The following CPNE4 variants were observed in gnomAD, a reference collection of about 807,000 sequenced individuals.
CPNE4 encodes copine-4.
A neutral mutation model predicts 67.9 loss-of-function variants in CPNE4; 25 were observed. That is an observed-to-expected ratio of 0.37 (90% CI 0.27 to 0.51). CPNE4 has a LOEUF of 0.51. CPNE4 is among the 20% of genes least tolerant of loss of function. CPNE4 has a pLI of 0.93. For missense variants in CPNE4, 464 were observed against 690.8 expected (o/e 0.67, Z 3.68); for synonymous variants, 242 against 244.9 (o/e 0.99, Z 0.11).
intron 2 of CPNE4, among the ~76,000 whole-genome samples, chr3:131,747,532 G>T (rs577801484): frequency 7.3e-6 from 1 of 136,992 alleles, no homozygotes; most frequent in Non-Finnish European, 1.7e-5. Flanking sequence ...TTTAAAATTT[G>T]GTTTCCACTT....
At chr3:131,938,122 C>T (rs2071277583) in intron 1 of CPNE4, among the ~76,000 whole-genome samples, 1 of 152,000 alleles carries the variant, frequency 6.6e-6, no homozygotes, top group African/African-American at 2.4e-5. Flanking sequence ...CTTTGTGAGG[C>T]CAAGGTTGGG....
At chr3:131,796,347 A>G (rs1403813316) in intron 2 of CPNE4, among the ~76,000 whole-genome samples, 2 of 152,218 alleles carry the variant, frequency 1.3e-5, no homozygotes, top group East Asian at 3.9e-4. Flanking sequence ...TTGCTGTTGA[A>G]TTGAATCTCT....
chr3:131,974,203 T>C (rs1440048982), intron 1 of CPNE4, among the ~76,000 whole-genome samples: 1 of 152,226 alleles, frequency 6.6e-6, no homozygotes, highest in African/African-American at 2.4e-5. Flanking sequence ...AGTTTCTTTT[T>C]TCTCTCCCTG....
chr3:131,856,989 T>C (rs1461364861), intron 2 of CPNE4, among the ~76,000 whole-genome samples: 4 of 152,050 alleles, frequency 2.6e-5, no homozygotes, highest in African/African-American at 9.7e-5. Flanking sequence ...TTTTTATTAA[T>C]TATTTCTGTT....
chr3:132,022,632 G>A (rs917915720), intron 1 of CPNE4, among the ~76,000 whole-genome samples: 3 of 152,040 alleles, frequency 2.0e-5, no homozygotes, highest in Admixed American at 6.6e-5. Context: ...ATGCTTCACA[G>A]TGAATTTCAG....
intron 1 of CPNE4, among the ~76,000 whole-genome samples, chr3:131,999,932 A>T (rs1222118746): frequency 1.3e-5 from 2 of 151,954 alleles, no homozygotes; most frequent in African/African-American, 4.8e-5. Flanking sequence ...TCAATTGTTT[A>T]TATGGTTTCT....
At chr3:131,631,276 A>C (rs16837288) in intron 7 of CPNE4, among the ~76,000 whole-genome samples, 41,744 of 151,882 alleles carry the variant, frequency 0.27, 9,417 homozygotes, top group African/African-American at 0.62. Flanking sequence ...TTTTAAAGAG[A>C]AATTTTCTAT....
chr3:131,836,987 T>C lies in CPNE4; in HGVS notation c.180+68277A>G, dbSNP rs142665047. On this transcript the variant is annotated intron_variant, in intron 2 of 15. Coordinates refer to ENST00000429747, the MANE Select transcript of CPNE4 (RefSeq NM_130808.3). The stretch of plus-strand genomic sequence containing the variant: ...CATATGAAAAGATGTTCAATATCAC[T>C]AGATATTAGGAATATGCAAATTAAA... 4.0e-3 allele frequency among the ~76,000 whole-genome samples: 606 copies of C among 152,286 alleles called. 7 individuals are homozygous for C. Among genetic ancestry groups the C allele is most frequent in the African/African-American group, 0.014 (566 of 41,580 alleles).
At chr3:131,631,147 T>G (rs990179506) in intron 7 of CPNE4, among the ~76,000 whole-genome samples, 6 of 152,220 alleles carry the variant, frequency 3.9e-5, no homozygotes, top group Admixed American at 1.3e-4. Context: ...ATGGCTACCC[T>G]TGACCTTTTA....
Position 131,598,681 on chromosome 3 carries a change from A to G in CPNE4, c.682-11099T>C, listed in dbSNP as rs73874157. ...CATCCTGGGCCCTTTTCACTATACC[A>G]CATAGCTTCATAGTTTACTTCTGCT... On this transcript the variant is annotated intron_variant, in intron 7 of 15. Coordinates refer to ENST00000429747, the MANE Select transcript of CPNE4 (RefSeq NM_130808.3). Among the ~76,000 whole-genome samples the G allele has an allele frequency of 1.6e-3, 238 of 152,282 alleles. 1 individual carries two copies. The highest frequency in any genetic ancestry group is 5.5e-3 in the African/African-American group (229 of 41,556).
At chr3:131,645,314 T>C (rs2079639223) in intron 7 of CPNE4, among the ~76,000 whole-genome samples, 1 of 152,210 alleles carries the variant, frequency 6.6e-6, no homozygotes, top group South Asian at 2.1e-4. Flanking sequence ...TTGGAAACAC[T>C]GACTCTCTGC....
chr3:132,010,289 A>C (rs2073723015), intron 1 of CPNE4, among the ~76,000 whole-genome samples: 1 of 152,208 alleles, frequency 6.6e-6, no homozygotes, highest in Admixed American at 6.5e-5. Flanking sequence ...CACCCTCTCT[A>C]CACACAGCTA....
chr3:131,852,388 T>C (rs931463085), intron 2 of CPNE4, among the ~76,000 whole-genome samples: 4 of 151,968 alleles, frequency 2.6e-5, no homozygotes, highest in African/African-American at 9.7e-5. Context: ...ATCAATAGAA[T>C]TCATCACACT....
chr3:131,940,875 T>G (rs777814041), intron 1 of CPNE4, among the ~76,000 whole-genome samples: 5 of 152,126 alleles, frequency 3.3e-5, no homozygotes, highest in Non-Finnish European at 7.4e-5. Context: ...AAGTAAATCC[T>G]GCTTACCAGT....
At chr3:131,720,056 C>T (rs2081839790) in intron 3 of CPNE4, among the ~76,000 whole-genome samples, 1 of 152,140 alleles carries the variant, frequency 6.6e-6, no homozygotes, top group South Asian at 2.1e-4. Flanking sequence ...TCAACAGCTA[C>T]AAGAGTGGGT....
Position 131,642,018 on chromosome 3 carries a change from G to T in CPNE4, c.681+27657C>A, listed in dbSNP as rs561151399. The stretch of plus-strand genomic sequence containing the variant: ...TGGGGACTTGGGGGAAAGGGTGAGG[G>T]GTGGCGAGGAATAAAAGACTACACA... On this transcript the variant is annotated intron_variant, in intron 7 of 15. Coordinates refer to ENST00000429747, the MANE Select transcript of CPNE4 (RefSeq NM_130808.3). Among the ~76,000 whole-genome samples, 42 of 152,136 alleles carry T rather than the reference G, an allele frequency of 2.8e-4. No individual in the cohort carries two copies. The South Asian group carries it at 6.7e-3, about 24-fold the overall frequency.
At chr3:131,538,758 A>G (rs1453115772) in intron 15 of CPNE4, 1 of 152,186 alleles carries the variant, frequency 6.6e-6, no homozygotes, top group East Asian at 1.9e-4. Flanking sequence ...GGAGCAGGTT[A>G]GTTATCATGA....
chr3:131,959,953 A>G (rs1225069), intron 1 of CPNE4, among the ~76,000 whole-genome samples: 9,380 of 152,324 alleles, frequency 0.062, 418 homozygotes, highest in Admixed American at 0.14. Flanking sequence ...TGCAAATTTA[A>G]GTAATATGTC....
At chr3:131,555,621 C>T (rs1334607711) in intron 11 of CPNE4, 70 bp from the exon 12 acceptor site, 1 of 1,291,090 alleles carries the variant, frequency 7.7e-7, no homozygotes, top group Non-Finnish European at 1.1e-6. Context: ...GAAAGAAAAA[C>T]ATTAACCTAC....
Sources: gnomAD v4.1 joint callset for allele counts (sites outside exome capture counted in the v4.1 genomes callset) on GRCh38, gnomAD v4.1.1 for gene constraint, MANE v1.5 for transcripts, NCBI Gene and HGNC (gene_info 2026-07-23, HGNC 2026-07-21) for gene names.